The following LRRC4C variants were observed in gnomAD, a reference collection of about 807,000 sequenced individuals.
The protein encoded by LRRC4C is leucine-rich repeat-containing protein 4C.
LRRC4C carries 5 observed loss-of-function variants against 33.6 expected under a neutral mutation model. That is an observed-to-expected ratio of 0.15 (90% CI 0.08 to 0.31). The LOEUF (loss-of-function observed/expected upper bound fraction) is 0.31, where lower values mean the gene tolerates loss of function less well. Ranked by LOEUF, LRRC4C falls within the 10% of genes least tolerant of loss-of-function variation. LRRC4C has a pLI of 1.00. For synonymous variants in LRRC4C, 329 were observed against 302.0 expected (o/e 1.09, Z -0.93); for missense variants, 560 against 796.7 (o/e 0.70, Z 3.58).
At chr11:40,411,113 G>T (rs1950140700) in intron 3 of LRRC4C, among the ~76,000 whole-genome samples, 1 of 151,958 alleles carries the variant, frequency 6.6e-6, no homozygotes, top group African/African-American at 2.4e-5. Flanking sequence ...CCATTTTGTG[G>T]GGTGGTGGGA....
intron 3 of LRRC4C, among the ~76,000 whole-genome samples, chr11:40,466,188 C>T (rs1043773531): frequency 6.6e-6 from 1 of 152,004 alleles, no homozygotes; most frequent in Non-Finnish European, 1.5e-5. Flanking sequence ...CACATGTTCT[C>T]ACTTATAAGC....
intron 5 of LRRC4C, among the ~76,000 whole-genome samples, chr11:40,165,525 C>T (rs1293700495): frequency 6.6e-6 from 1 of 152,116 alleles, no homozygotes; most frequent in Non-Finnish European, 1.5e-5. Context: ...AAAACAACGA[C>T]AAAAAATCCA....
At chr11:40,146,772 A>G (rs1565050653) in intron 5 of LRRC4C, among the ~76,000 whole-genome samples, 1 of 152,178 alleles carries the variant, frequency 6.6e-6, no homozygotes, top group East Asian at 1.9e-4. Context: ...AGCTTCTTAA[A>G]CTGACAATAA....
At chr11:40,902,246 C>T (rs531862464) in intron 2 of LRRC4C, among the ~76,000 whole-genome samples, 4 of 151,966 alleles carry the variant, frequency 2.6e-5, no homozygotes, top group South Asian at 2.1e-4. Flanking sequence ...TTATGGTGCT[C>T]GTGATCAGTG....
At chr11:40,767,850 G>A (rs1170053414) in intron 2 of LRRC4C, among the ~76,000 whole-genome samples, 2 of 151,862 alleles carry the variant, frequency 1.3e-5, no homozygotes, top group African/African-American at 2.4e-5. Context: ...ATAGCAATAA[G>A]TGCCTACATC....
chr11:40,319,814 C>T (rs1197836377), intron 3 of LRRC4C, 93 bp from the exon 4 acceptor site: 2 of 152,072 alleles, frequency 1.3e-5, no homozygotes, highest in African/African-American at 4.8e-5. Context: ...GTTCCATTCC[C>T]TCAATATAAT....
chr11:40,874,465 T>C (rs1053029265), intron 2 of LRRC4C, among the ~76,000 whole-genome samples: 4 of 152,190 alleles, frequency 2.6e-5, no homozygotes, highest in Non-Finnish European at 5.9e-5. Context: ...ACATATGTCC[T>C]ACTTTGGAAT....
At chr11:40,952,131 A>G (rs867030730) in intron 1 of LRRC4C, among the ~76,000 whole-genome samples, 1 of 151,882 alleles carries the variant, frequency 6.6e-6, no homozygotes, top group African/African-American at 2.4e-5. Flanking sequence ...CAAGGTGAAC[A>G]TTATTATTTT....
intron 1 of LRRC4C, among the ~76,000 whole-genome samples, chr11:40,944,786 T>C (rs1428299264): frequency 6.6e-6 from 1 of 152,218 alleles, no homozygotes; most frequent in Non-Finnish European, 1.5e-5. Flanking sequence ...AGAACAGTTT[T>C]CCAATTTCTG....
chr11:40,530,889 C>G (rs1459444578), intron 3 of LRRC4C, among the ~76,000 whole-genome samples: 1 of 152,070 alleles, frequency 6.6e-6, no homozygotes. Flanking sequence ...GAGGGAGGGG[C>G]TCTGTTTAAC....
intron 6 of LRRC4C, among the ~76,000 whole-genome samples, chr11:40,134,090 AAG>A (rs1419052571): frequency 6.6e-6 from 1 of 152,116 alleles, no homozygotes; most frequent in African/African-American, 2.4e-5. Context: ...ACAGAGCAGA[AAG>A]AGAGAAAAAA....
chr11:40,121,415 A>G (rs2134662642), intron 6 of LRRC4C, among the ~76,000 whole-genome samples: 1 of 152,336 alleles, frequency 6.6e-6, no homozygotes, highest in African/African-American at 2.4e-5. Flanking sequence ...AACTACTATC[A>G]ACAAAAGGTT....
chr11:40,335,658 C>T (rs1186887253), intron 3 of LRRC4C, among the ~76,000 whole-genome samples: 2 of 152,226 alleles, frequency 1.3e-5, no homozygotes, highest in African/African-American at 2.4e-5. Flanking sequence ...GTATGACACT[C>T]TTCTGCTTCT....
At chr11:40,594,537 G>T (rs1441979245) in intron 3 of LRRC4C, among the ~76,000 whole-genome samples, 1 of 152,158 alleles carries the variant, frequency 6.6e-6, no homozygotes, top group East Asian at 1.9e-4. Context: ...GATCTATTAT[G>T]TGGTTGATAA....
chr11:40,387,438 A>G (rs1047076102), intron 3 of LRRC4C, among the ~76,000 whole-genome samples: 2 of 152,216 alleles, frequency 1.3e-5, no homozygotes, highest in African/African-American at 2.4e-5. Context: ...GGATAAATGC[A>G]GTCATAGGTT....
At chr11:41,023,023 T>C (rs995745766) in intron 1 of LRRC4C, among the ~76,000 whole-genome samples, 12 of 151,946 alleles carry the variant, frequency 7.9e-5, no homozygotes, top group African/African-American at 2.7e-4. Context: ...CTCAAAGTTA[T>C]GTATCTTAAC....
chr11:41,277,257 T>C (rs547816587), intron 1 of LRRC4C, among the ~76,000 whole-genome samples: 1 of 152,302 alleles, frequency 6.6e-6, no homozygotes, highest in East Asian at 1.9e-4. Context: ...AAAAAACCCA[T>C]TGCTTTATGC....
intron 1 of LRRC4C, among the ~76,000 whole-genome samples, chr11:41,207,827 C>T (rs1946660803): frequency 6.6e-6 from 1 of 152,150 alleles, no homozygotes; most frequent in African/African-American, 2.4e-5. Context: ...TTGGCAGCCT[C>T]AGCAGGCTAA....
intron 1 of LRRC4C, among the ~76,000 whole-genome samples, chr11:41,162,293 A>G (rs1944508158): frequency 1.3e-5 from 2 of 152,244 alleles, no homozygotes; most frequent in Middle Eastern, 3.4e-3. Flanking sequence ...TAAAGGCAAT[A>G]CATTAGCCTC....
Sources: allele counts gnomAD v4.1 joint callset (sites outside exome capture counted in the v4.1 genomes callset), GRCh38; gene constraint gnomAD v4.1.1; transcripts MANE v1.5; gene names NCBI Gene and HGNC (gene_info 2026-07-23, HGNC 2026-07-21).